PHACTR1: variants seen among roughly 807,000 people sequenced by gnomAD.
The protein encoded by PHACTR1 is RPEL repeat containing 1.
Under a neutral mutation model 69.2 loss-of-function variants are expected in PHACTR1, and 16 were observed. That is an observed-to-expected ratio of 0.23 (90% CI 0.16 to 0.35). The LOEUF (loss-of-function observed/expected upper bound fraction) is 0.35, where lower values mean the gene tolerates loss of function less well. PHACTR1 is among the 10% of genes least tolerant of loss of function. The probability of loss-of-function intolerance (pLI) is 1.00; values close to 1 mark genes in which losing one functional copy is unlikely to be tolerated. For synonymous variants in PHACTR1, 312 were observed against 284.5 expected, an observed-to-expected ratio of 1.10 and a Z score of -0.97; for missense variants, 510 against 734.7, an observed-to-expected ratio of 0.69 and a Z score of 3.54.
Position 12,749,773 on chromosome 6 carries a change from C to T in PHACTR1, c.233C>T (p.Ser78Phe). The T allele has an allele frequency of 1.2e-6, 2 of 1,607,308 alleles. No homozygotes were observed. The highest frequency in any genetic ancestry group is 1.7e-6 in the Non-Finnish European group (2 of 1,177,244). ...CCGTACCTCGCAGAGGCCAGGATCT[C>T]CTTTAACCTGGGGGCAGGTAAGAAC... ...DTPYLAEARISFNLGAAEEVE... is the reference protein window; with the variant it reads ...DTPYLAEARIFFNLGAAEEVE... The change falls in exon 4 of 15, where the codon TCC becomes TTC. Residue 78 changes from serine to phenylalanine, a missense_variant. By Grantham distance (155) the Ser-to-Phe change is radical. Transcript: ENST00000332995.
intron 10 of PHACTR1, chr6:13,267,838 G>A (rs1320912395): frequency 9.9e-6 from 1 of 101,056 alleles, no homozygotes; most frequent in African/African-American, 5.2e-5. Flanking sequence ...GGAATGATCT[G>A]AAAAAAAAAA....
At chr6:13,238,612 C>A (rs1772360445) in intron 10 of PHACTR1, among the ~76,000 whole-genome samples, 1 of 152,064 alleles carries the variant, frequency 6.6e-6, no homozygotes. Flanking sequence ...ATGCTTGTAG[C>A]ACAGGCAATA....
chr6:13,071,820 C>T lies in PHACTR1; in HGVS notation c.415+18291C>T, dbSNP rs191936002. Among the ~76,000 whole-genome samples the T allele has an allele frequency of 1.2e-4, 19 of 152,248 alleles. No individual in the cohort carries two copies. The East Asian group carries it at 2.5e-3, about 20-fold the overall frequency. On this transcript the variant is annotated intron_variant, in intron 5 of 14. Coordinates refer to ENST00000332995, the MANE Select transcript of PHACTR1 (RefSeq NM_030948.6). ...GAAGCTGCCTGCTACCACTGCATGTCGTTGTGGGGAAAAGGGGCTTCTAAA... is the reference window on the plus strand; with the variant it reads ...GAAGCTGCCTGCTACCACTGCATGTTGTTGTGGGGAAAAGGGGCTTCTAAA...
chr6:13,000,692 G>C (rs1365066854), intron 4 of PHACTR1, among the ~76,000 whole-genome samples: 1 of 142,808 alleles, frequency 7.0e-6, no homozygotes, highest in Admixed American at 6.9e-5. Context: ...GAAGGAAGGA[G>C]AGAAAAACAA....
At chr6:13,190,376 G>A (rs1341667173) in intron 7 of PHACTR1, among the ~76,000 whole-genome samples, 2 of 151,516 alleles carry the variant, frequency 1.3e-5, no homozygotes, top group Non-Finnish European at 2.9e-5. Context: ...ATCATATTAG[G>A]GTTCCATCTT....
At chr6:13,226,164 T>G (rs1461068304) in intron 8 of PHACTR1, among the ~76,000 whole-genome samples, 1 of 152,252 alleles carries the variant, frequency 6.6e-6, no homozygotes, top group African/African-American at 2.4e-5. Context: ...TAAGTTGATT[T>G]AGTTCATTGC....
At position 12,961,130 on chromosome 6, in the gene PHACTR1, A is replaced by AT. The variant is rs1481017483; in HGVS notation, c.251-92234dup. Among the ~76,000 whole-genome samples the AT allele has an allele frequency of 3.3e-5, 5 of 152,324 alleles. No homozygotes were observed. In the South Asian group the frequency reaches 1.0e-3, roughly 32 times the overall value. ...TTGAGCTTCTTAGGAAACTAACTGG[A>AT]TAAAAAAATCTCTCCTGGAACTTGT... is the stretch of plus-strand genomic sequence containing the variant. On this transcript the variant is annotated intron_variant, in intron 4 of 14. Coordinates refer to ENST00000332995, the MANE Select transcript of PHACTR1 (RefSeq NM_030948.6).
At chr6:12,807,201 G>C (rs1322099369) in intron 4 of PHACTR1, among the ~76,000 whole-genome samples, 1 of 152,128 alleles carries the variant, frequency 6.6e-6, no homozygotes, top group East Asian at 1.9e-4. Context: ...ATCTCACACA[G>C]TACTTAGTAC....
intron 5 of PHACTR1, among the ~76,000 whole-genome samples, chr6:13,153,531 T>C (rs16873636): frequency 0.054 from 8,206 of 152,306 alleles, 512 homozygotes; most frequent in African/African-American, 0.15. Flanking sequence ...GCTTCTCATA[T>C]GTTGGTTTTG....
chr6:12,888,635 T>C (rs577474744), intron 4 of PHACTR1, among the ~76,000 whole-genome samples: 1 of 152,364 alleles, frequency 6.6e-6, no homozygotes, highest in East Asian at 1.9e-4. Flanking sequence ...TTTTTTTAAA[T>C]GTTTTGCACT....
At chr6:12,950,442 C>T (rs1480629459) in intron 4 of PHACTR1, among the ~76,000 whole-genome samples, 1 of 152,200 alleles carries the variant, frequency 6.6e-6, no homozygotes, top group Non-Finnish European at 1.5e-5. Flanking sequence ...TTAGATTCCA[C>T]CACTTGATGG....
chr6:13,025,717 G>A (rs1057160271), intron 4 of PHACTR1, among the ~76,000 whole-genome samples: 7 of 151,092 alleles, frequency 4.6e-5, no homozygotes, highest in Non-Finnish European at 7.4e-5. Context: ...GTGTCTGTGT[G>A]TATGGGTGTG....
At chr6:13,217,030 ATCT>A (rs1400259366) in intron 8 of PHACTR1, among the ~76,000 whole-genome samples, 4 of 152,208 alleles carry the variant, frequency 2.6e-5, no homozygotes, top group African/African-American at 9.6e-5. Context: ...TGACTCTTTG[ATCT>A]TCTTGGAAAC....
chr6:13,191,386 C>T (rs1763575430), intron 7 of PHACTR1, among the ~76,000 whole-genome samples: 1 of 152,140 alleles, frequency 6.6e-6, no homozygotes. Context: ...GCACGGCTCA[C>T]CACACAGGGC....
chr6:13,239,730 C>T (rs942394962), intron 10 of PHACTR1, among the ~76,000 whole-genome samples: 10 of 152,232 alleles, frequency 6.6e-5, no homozygotes, highest in African/African-American at 2.4e-4. Flanking sequence ...CTTACCCAGC[C>T]TCTAGCTGTT....
At chr6:12,743,200 A>AC (rs991706497) in intron 3 of PHACTR1, among the ~76,000 whole-genome samples, 5 of 151,778 alleles carry the variant, frequency 3.3e-5, no homozygotes, top group Non-Finnish European at 5.9e-5. Flanking sequence ...AAAAAAAAAA[A>AC]AAAAACAAAC....
intron 8 of PHACTR1, among the ~76,000 whole-genome samples, chr6:13,206,513 A>G (rs1765947227): frequency 3.3e-5 from 5 of 152,266 alleles, no homozygotes; most frequent in Admixed American, 3.3e-4. Context: ...AAGTTCCTAT[A>G]GCATATTTCT....
intron 4 of PHACTR1, among the ~76,000 whole-genome samples, chr6:12,811,277 T>A (rs1487752145): frequency 6.6e-6 from 1 of 152,220 alleles, no homozygotes; most frequent in Non-Finnish European, 1.5e-5. Flanking sequence ...ATAAACCTCC[T>A]AAATAAATGC....
At chr6:12,798,117 C>A (rs1176272064) in intron 4 of PHACTR1, among the ~76,000 whole-genome samples, 1 of 149,180 alleles carries the variant, frequency 6.7e-6, no homozygotes, top group Non-Finnish European at 1.5e-5. Context: ...ATTACTGTAT[C>A]TTCAGTGTCT....
Sources: allele counts gnomAD v4.1 joint callset (sites outside exome capture counted in the v4.1 genomes callset), GRCh38; gene constraint gnomAD v4.1.1; transcripts MANE v1.5; gene names NCBI Gene and HGNC (gene_info 2026-07-23, HGNC 2026-07-21).